Variants in CTBP1 observed in about 807,000 individuals in gnomAD.
CTBP1 encodes C-terminal-binding protein 1.
In CTBP1, 11 loss-of-function variants were observed where a neutral mutation model predicts 42.1. The observed-to-expected ratio is 0.26, with a 90% CI of 0.16 to 0.43. CTBP1 has a LOEUF of 0.43. Among genes scored for constraint, CTBP1 ranks in the 20% least tolerant of loss-of-function variants. The pLI, the probability that CTBP1 is intolerant of heterozygous loss-of-function variation, is 1.00. For missense variants in CTBP1, 399 were observed against 624.3 expected (o/e 0.64, Z 3.85); for synonymous variants, 324 against 277.1 (o/e 1.17, Z -1.68).
intron 5 of CTBP1, chr4:1,217,193 G>A (rs898368636): frequency 2.0e-5 from 3 of 152,314 alleles, no homozygotes; most frequent in Non-Finnish European, 4.4e-5. Flanking sequence ...TGGCCCAAAC[G>A]CCCAGGGGAC....
Position 1,233,256 on chromosome 4 carries a change from G to A in CTBP1, c.163-4913C>T, listed in dbSNP as rs534006423. ...TCCATTACCATGACAACGCCAGCTT[G>A]TGTGTTTTTCCCAGTCACCATGACA... is the stretch of plus-strand genomic sequence containing the variant. On this transcript the variant is annotated intron_variant, in intron 3 of 9. Transcript: ENST00000382952. This position sits in a 1 kb window ranked among gnomAD's most constrained non-coding sequence, Gnocchi z 4.6. 1 of 152,386 alleles carries A rather than the reference G, an allele frequency of 6.6e-6. No homozygotes were observed. Among genetic ancestry groups the A allele is most frequent in the African/African-American group, 2.4e-5 (1 of 41,568 alleles). 9.4% of individuals were successfully genotyped at this position (152,386 alleles called of 1,614,324 possible). A position where few individuals can be genotyped will look rare whatever the true frequency, so the allele number is the denominator to read the frequency against.
chr4:1,245,268 G>T, intron 1 of CTBP1: 1 of 985,450 alleles, frequency 1.0e-6, no homozygotes, highest in East Asian at 1.1e-4. Context: ...CAAAGGCATG[G>T]ATTTGCCAGC....
rs1728699227 is a variant in CTBP1, at chr4:1,212,940, T to C, written c.1079A>G (p.His360Arg). The part of the protein sequence containing the change: ...HWASMDPAVV[H>R]PELNGAAYRY... Reference sequence around the variant, plus strand: ...ATAGGCAGCCCCATTGAGCTCAGGGTGCACGACGGCGGGGTCCATGCTGGC... The same window carrying C: ...ATAGGCAGCCCCATTGAGCTCAGGGCGCACGACGGCGGGGTCCATGCTGGC... Residue 360 changes from histidine to arginine, a missense_variant, in exon 9 of 10, where the codon CAC becomes CGC. His to Arg is a conservative substitution (Grantham distance 29). This residue lies in a region of CTBP1 where 309 missense variants were observed against 497.5 expected (regional missense o/e 0.62). Transcript: ENST00000382952. 1 of 1,613,662 alleles carries C rather than the reference T, an allele frequency of 6.2e-7. No individual in the cohort carries two copies. The highest frequency in any genetic ancestry group is 2.2e-5 in the East Asian group (1 of 44,870).
intron 9 of CTBP1, 22 bp downstream of exon 9, chr4:1,212,891 C>T: frequency 1.2e-6 from 2 of 1,604,572 alleles, no homozygotes; most frequent in Non-Finnish European, 1.7e-6. Context: ...GGAGGCTGTT[C>T]TGGGCCAGCG....
intron 7 of CTBP1, chr4:1,213,837 C>A: frequency 3.7e-6 from 2 of 542,066 alleles, no homozygotes; most frequent in Non-Finnish European, 6.4e-6. Flanking sequence ...ATTTAATCTC[C>A]AAGTCCCTCG....
intron 1 of CTBP1, chr4:1,244,839 A>G (rs1732552979): frequency 1.7e-5 from 17 of 985,426 alleles, no homozygotes; most frequent in Non-Finnish European, 2.0e-5. Flanking sequence ...CTGGAGGCCC[A>G]AAGACTAGGG....
chr4:1,228,121 G>A (rs1463529077), intron 4 of CTBP1, 78 bp downstream of exon 4: 1 of 1,564,864 alleles, frequency 6.4e-7, no homozygotes, highest in East Asian at 2.3e-5. Flanking sequence ...CAGTGTGGCA[G>A]TGAAGCCTCC....
chr4:1,238,308 G>C lies in CTBP1; in HGVS notation c.37C>G (p.Leu13Val). ...GVRPPIMNGP[L>V]HPRPLVALLD... ...AATGCCACCAGGGGCCGCGGGTGCAGGGGCCCGTTCATGATCGGAGGTCGG... is the reference window on the plus strand; with the variant it reads ...AATGCCACCAGGGGCCGCGGGTGCACGGGCCCGTTCATGATCGGAGGTCGG... The change falls in exon 3 of 10, where the codon CTG (leucine) becomes GTG (valine). Residue 13 changes from leucine (L) to valine (V), a missense_variant. Physicochemically the swap from Leu to Val is conservative, Grantham distance 32. Coordinates refer to ENST00000382952, the MANE Select transcript of CTBP1 (RefSeq NM_001012614.2). This position sits in a 1 kb window ranked among gnomAD's most constrained non-coding sequence, Gnocchi z 5.9. The C allele has an allele frequency of 1.3e-6, 2 of 1,589,544 alleles. No individual in the cohort carries two copies. The highest frequency in any genetic ancestry group is 1.7e-4 in the Middle Eastern group (1 of 5,968).
rs56186073 is a variant in CTBP1, at chr4:1,233,778, G to A, written c.162+4405C>T. Among the ~76,000 whole-genome samples, 8,613 of 152,254 alleles carry A rather than the reference G, an allele frequency of 0.057. 365 individuals carry two copies. The highest frequency in any genetic ancestry group is 0.091 in the Non-Finnish European group (6,219 of 68,012). ...ACGGTATCACGTTCTCTCCCTCCAC[G>A]GCACTCAGACGGCGGCGACCTCCAA... is the stretch of plus-strand genomic sequence containing the variant. On this transcript the variant is annotated intron_variant, in intron 3 of 9. Transcript: ENST00000382952. The surrounding 1 kb of genome is among the most constrained non-coding windows in gnomAD (Gnocchi z 4.6).
In CTBP1 at chr4:1,238,468, T is replaced by C. The variant is rs1179141932; in HGVS notation, c.8-131A>G. On this transcript the variant is annotated intron_variant, in intron 2 of 9. Coordinates refer to ENST00000382952, the MANE Select transcript of CTBP1 (RefSeq NM_001012614.2). The surrounding 1 kb of genome is among the most constrained non-coding windows in gnomAD (Gnocchi z 5.9). The stretch of plus-strand genomic sequence containing the variant: ...GGGTTTTCTGGTCTATATGTTGTGA[T>C]ATTTGTAAAAAGTAAATTAAAAATC... 6 of 1,112,206 alleles carry C rather than the reference T, an allele frequency of 5.4e-6. No homozygotes were observed. Among genetic ancestry groups the C allele is most frequent in the South Asian group, 1.9e-5 (1 of 53,348 alleles). 68.9% of individuals were successfully genotyped at this position (1,112,206 alleles called of 1,614,324 possible).
At chr4:1,225,922 T>C (rs1016862641) in intron 4 of CTBP1, among the ~76,000 whole-genome samples, 3 of 151,984 alleles carry the variant, frequency 2.0e-5, no homozygotes, top group Non-Finnish European at 2.9e-5. Context: ...GCCACCCCGA[T>C]TCCTCTCGGG....
rs774215356 is a variant in CTBP1 at position 1,238,353 on chromosome 4, A to G, written c.8-16T>C. ...GGTCGGACGCCTGCAAGACAGAGGCAAGTGCTCAGCCTTGCACCACTGCGG... is the reference window on the plus strand; with the variant it reads ...GGTCGGACGCCTGCAAGACAGAGGCGAGTGCTCAGCCTTGCACCACTGCGG... On this transcript the variant is annotated splice_polypyrimidine_tract_variant and intron_variant, in intron 2 of 9. Coordinates refer to ENST00000382952, the MANE Select transcript of CTBP1 (RefSeq NM_001012614.2). The surrounding 1 kb of genome is among the most constrained non-coding windows in gnomAD (Gnocchi z 5.9). 1.9e-6 allele frequency: 3 copies of G among 1,547,464 alleles called. No individual in the cohort carries two copies. The highest frequency in any genetic ancestry group is 1.7e-4 in the Middle Eastern group (1 of 5,774).
intron 8 of CTBP1, among the ~76,000 whole-genome samples, chr4:1,213,252 T>C (rs991516220): frequency 5.3e-5 from 8 of 152,026 alleles, no homozygotes; most frequent in African/African-American, 1.9e-4. Flanking sequence ...CTGAGGGACC[T>C]GTCTGCTCAG....
intron 6 of CTBP1, chr4:1,215,577 C>T (rs1729018982): frequency 2.2e-5 from 6 of 277,270 alleles, no homozygotes; most frequent in South Asian, 1.8e-4. Context: ...CTGAGCACAG[C>T]CCTTTCCAGC....
intron 2 of CTBP1, among the ~76,000 whole-genome samples, chr4:1,240,246 C>T (rs563321710): frequency 9.7e-5 from 13 of 133,952 alleles, no homozygotes; most frequent in South Asian, 2.7e-4. Context: ...GGGGCACTCC[C>T]GGGTGCTGGG....
intron 2 of CTBP1, among the ~76,000 whole-genome samples, chr4:1,240,974 C>T (rs952895899): frequency 3.3e-5 from 5 of 152,244 alleles, no homozygotes; most frequent in South Asian, 2.1e-4. Flanking sequence ...CTGGGCCAGC[C>T]GGGTGGACAC....
At chr4:1,237,780 C>G (rs1393400913) in intron 3 of CTBP1, 3 of 688,226 alleles carry the variant, frequency 4.4e-6, no homozygotes, top group African/African-American at 3.6e-5. Context: ...AGGACAAACC[C>G]CGTGTCCACC....
At chr4:1,230,296 C>T (rs1006212538) in intron 3 of CTBP1, among the ~76,000 whole-genome samples, 5 of 152,188 alleles carry the variant, frequency 3.3e-5, no homozygotes, top group South Asian at 2.1e-4. Flanking sequence ...TGGAGGCGAG[C>T]GGTGCGGCCA....
chr4:1,215,172 C>T (rs897527438), intron 6 of CTBP1, among the ~76,000 whole-genome samples: 1 of 152,234 alleles, frequency 6.6e-6, no homozygotes, highest in Non-Finnish European at 1.5e-5. Flanking sequence ...CCAGCATCCA[C>T]GTGCCACACC....
Sources: gnomAD v4.1 joint callset for allele counts (sites outside exome capture counted in the v4.1 genomes callset) on GRCh38, gnomAD v4.1.1 for gene constraint, gnomAD v4.1.1 regional missense constraint, Gnocchi (gnomAD v3.1) non-coding constraint, MANE v1.5 for transcripts, NCBI Gene and HGNC (gene_info 2026-07-23, HGNC 2026-07-21) for gene names.